HLCS: variants seen among roughly 807,000 people sequenced by gnomAD.
HLCS encodes the protein biotin--protein ligase.
A neutral mutation model predicts 75.0 loss-of-function variants in HLCS; 53 were observed. The observed-to-expected ratio is 0.71, with a 90% confidence interval of 0.57 to 0.89. The LOEUF (loss-of-function observed/expected upper bound fraction) is 0.89, where lower values mean the gene tolerates loss of function less well. Among genes scored for constraint, HLCS ranks in the 40% least tolerant of loss-of-function variants. The pLI is 0.00. For missense variants in HLCS, 966 were observed against 1,074.0 expected, an observed-to-expected ratio of 0.90 and a Z score of 1.41; for synonymous variants, 431 against 428.6, an observed-to-expected ratio of 1.01 and a Z score of -0.07.
intron 7 of HLCS, 79 bp downstream of exon 7, chr21:36,767,139 T>A: frequency 7.2e-7 from 1 of 1,387,712 alleles, no homozygotes; most frequent in East Asian, 2.3e-5. Context: ...AGCACACACA[T>A]TCAATGGGCT....
At position 36,807,711 on chromosome 21, in the gene HLCS, C is replaced by T. The variant is rs889062288; in HGVS notation, c.1893-40426G>A. Among the ~76,000 whole-genome samples the T allele has an allele frequency of 3.3e-5, 5 of 152,220 alleles. No homozygotes were observed. In the East Asian group the frequency reaches 7.7e-4, roughly 23 times the overall value. On this transcript the variant is annotated intron_variant, in intron 6 of 10. Coordinates refer to ENST00000674895, the MANE Select transcript of HLCS (RefSeq NM_001352514.2). Reference sequence around the variant, plus strand: ...TCATCACCGCGTTTCATCCTCACCACGACCCTGTTCTGTGGATCCGGCTGG... The same window carrying T: ...TCATCACCGCGTTTCATCCTCACCATGACCCTGTTCTGTGGATCCGGCTGG...
intron 1 of HLCS, chr21:36,980,358 A>G (rs1267681900): frequency 2.6e-5 from 4 of 152,226 alleles, no homozygotes; most frequent in Non-Finnish European, 4.4e-5. Flanking sequence ...CTCGTTTTCT[A>G]CAAGATTCCA....
At chr21:36,923,485 T>C (rs946790240) in intron 5 of HLCS, among the ~76,000 whole-genome samples, 1 of 152,170 alleles carries the variant, frequency 6.6e-6, no homozygotes, top group Non-Finnish European at 1.5e-5. Context: ...CTCAGAGACC[T>C]TATCACCCCT....
chr21:36,929,966 G>A (rs2066563380), intron 5 of HLCS, among the ~76,000 whole-genome samples: 1 of 152,202 alleles, frequency 6.6e-6, no homozygotes, highest in Non-Finnish European at 1.5e-5. Context: ...TAAAGTTACA[G>A]TCTGAATATA....
rs528458322 is a variant in HLCS at position 36,813,553 on chromosome 21, TG to T, written c.1893-46269del. Among the ~76,000 whole-genome samples the T allele has an allele frequency of 2.4e-3, 368 of 152,338 alleles. 3 individuals carry two copies. Among genetic ancestry groups the T allele is most frequent in the Non-Finnish European group, 3.4e-3 (230 of 68,020 alleles). On this transcript the variant is annotated intron_variant, in intron 6 of 10. Transcript: ENST00000674895. The stretch of plus-strand genomic sequence containing the variant: ...AGAGATTTACAATGATCAAGTAATA[TG>T]CCAGTTCTTTCAAAGGATGCCAACA...
At chr21:36,915,303 C>T (rs1297524060) in intron 5 of HLCS, among the ~76,000 whole-genome samples, 1 of 152,228 alleles carries the variant, frequency 6.6e-6, no homozygotes, top group Non-Finnish European at 1.5e-5. Context: ...GTTTAGCCTC[C>T]ACTGTTTAAT....
chr21:36,931,019 C>T (rs768144059), intron 4 of HLCS, among the ~76,000 whole-genome samples: 12 of 152,198 alleles, frequency 7.9e-5, no homozygotes, highest in Non-Finnish European at 7.3e-5. Context: ...AGCGGTGGCT[C>T]ACGCCTGTAA....
intron 6 of HLCS, among the ~76,000 whole-genome samples, chr21:36,837,641 T>C (rs2062459748): frequency 6.6e-6 from 1 of 152,220 alleles, no homozygotes; most frequent in African/African-American, 2.4e-5. Flanking sequence ...AAAAAAATTA[T>C]TTTCTTAGTA....
At chr21:36,786,226 G>C (rs2145857360) in intron 6 of HLCS, among the ~76,000 whole-genome samples, 1 of 151,590 alleles carries the variant, frequency 6.6e-6, no homozygotes, top group South Asian at 2.1e-4. Flanking sequence ...GTTTTATTTT[G>C]CTTGACATCT....
intron 6 of HLCS, among the ~76,000 whole-genome samples, chr21:36,845,574 G>A (rs1471750749): frequency 2.0e-5 from 3 of 152,080 alleles, no homozygotes; most frequent in African/African-American, 4.8e-5. Flanking sequence ...GCAGGGACAC[G>A]CTCCCAGTTA....
At chr21:36,754,569 G>C in intron 10 of HLCS, 152 bp from the exon 11 acceptor site, 1 of 771,184 alleles carries the variant, frequency 1.3e-6, no homozygotes, top group Admixed American at 2.0e-5. Flanking sequence ...GCTGAGCTCT[G>C]ACTTTCTTCC....
intron 8 of HLCS, among the ~76,000 whole-genome samples, chr21:36,760,597 G>A (rs1348895544): frequency 6.7e-5 from 10 of 149,000 alleles, no homozygotes; most frequent in Non-Finnish European, 1.3e-4. Flanking sequence ...GTGACAGGGC[G>A]AGACTCTGTC....
At chr21:36,800,528 C>CA (rs1284164511) in intron 6 of HLCS, among the ~76,000 whole-genome samples, 1 of 152,120 alleles carries the variant, frequency 6.6e-6, no homozygotes, top group Non-Finnish European at 1.5e-5. Context: ...TCCTATGGAG[C>CA]AGCACTATTA....
chr21:36,798,244 G>A (rs745724842), intron 6 of HLCS, among the ~76,000 whole-genome samples: 1 of 152,150 alleles, frequency 6.6e-6, no homozygotes, highest in Non-Finnish European at 1.5e-5. Flanking sequence ...GAGGAAGGGA[G>A]GCAATCACAC....
chr21:36,888,431 TTA>T (rs1491274303), intron 6 of HLCS, among the ~76,000 whole-genome samples: 2 of 34,702 alleles, frequency 5.8e-5, no homozygotes, highest in Non-Finnish European at 1.2e-4. Context: ...CCCTTCCCAT[TTA>T]AAAAAAAAAA....
At chr21:36,773,124 T>C (rs763790986) in intron 6 of HLCS, among the ~76,000 whole-genome samples, 1 of 152,234 alleles carries the variant, frequency 6.6e-6, no homozygotes, top group Non-Finnish European at 1.5e-5. Context: ...AATTTTCCAA[T>C]ATTTTTATAA....
intron 6 of HLCS, among the ~76,000 whole-genome samples, chr21:36,859,991 C>T (rs1181491677): frequency 6.6e-6 from 1 of 152,216 alleles, no homozygotes; most frequent in Non-Finnish European, 1.5e-5. Flanking sequence ...CGCATATTTA[C>T]TCAATCAATA....
In HLCS at chr21:36,888,477, TATATATATATATATATA is replaced by T. The variant is rs1569149895; in HGVS notation, c.1892+8366_1892+8382del. Among the ~76,000 whole-genome samples, 63 of 126,740 alleles carry T rather than the reference TATATATATATATATATA, an allele frequency of 5.0e-4. 2 individuals carry two copies. Among genetic ancestry groups the T allele is most frequent in the African/African-American group, 1.2e-3 (39 of 31,830 alleles). The allele number at this position is 126,740 out of a possible 152,430, so 83.1% of individuals were successfully genotyped here. On this transcript the variant is annotated intron_variant, in intron 6 of 10. Transcript: ENST00000674895. ...ATATATATATATATATATATATATA[TATATATATATATATATA>T]TATTTATTTATTTATTTTATGGGAT...
chr21:36,915,082 A>G (rs1336329062), intron 5 of HLCS, among the ~76,000 whole-genome samples: 1 of 152,018 alleles, frequency 6.6e-6, no homozygotes, highest in Non-Finnish European at 1.5e-5. Flanking sequence ...CCCCCGCCCC[A>G]CCATCCTCAG....
Sources: gnomAD v4.1 joint callset for allele counts (sites outside exome capture counted in the v4.1 genomes callset) on GRCh38, gnomAD v4.1.1 for gene constraint, MANE v1.5 for transcripts, NCBI Gene and HGNC (gene_info 2026-07-23, HGNC 2026-07-21) for gene names.